The following TPRG1 variants were observed in gnomAD, a reference collection of about 807,000 sequenced individuals.
TPRG1 encodes tumor protein p63 regulated 1, also known as tumor protein p63-regulated gene 1 protein.
TPRG1 carries 29 observed loss-of-function variants against 29.3 expected under a neutral mutation model. That is an observed-to-expected ratio of 0.99 (90% CI 0.74 to 1.35). TPRG1 has a LOEUF of 1.35. Among genes scored for constraint, TPRG1 ranks in the 40% most tolerant of loss-of-function variants. TPRG1 has a pLI of 0.00. For synonymous variants in TPRG1, 130 were observed against 116.8 expected (o/e 1.11, Z -0.73); for missense variants, 327 against 335.0 (o/e 0.98, Z 0.19).
chr3:189,010,063 C>T (rs1306776985), intron 3 of TPRG1, among the ~76,000 whole-genome samples: 1 of 152,070 alleles, frequency 6.6e-6, no homozygotes, highest in Non-Finnish European at 1.5e-5. Flanking sequence ...TCTGTTCCTG[C>T]ATTAGTTTGC....
intron 4 of TPRG1, among the ~76,000 whole-genome samples, chr3:189,089,539 G>A (rs771245403): frequency 2.0e-5 from 3 of 152,130 alleles, no homozygotes; most frequent in Non-Finnish European, 2.9e-5. Flanking sequence ...CAGCTATGGA[G>A]GCTGAGAAGT....
intron 4 of TPRG1, among the ~76,000 whole-genome samples, chr3:189,262,317 G>A (rs1403015618): frequency 6.6e-6 from 1 of 151,962 alleles, no homozygotes; most frequent in African/African-American, 2.4e-5. Context: ...GTTTTTTCTG[G>A]TGTGGGAGAG....
In TPRG1 at chr3:189,063,946, G is replaced by A. The variant is rs142201836; in HGVS notation, c.-463+40000G>A. Among the ~76,000 whole-genome samples, 550 of 152,204 alleles carry A rather than the reference G, an allele frequency of 3.6e-3. 2 individuals are homozygous for A. The highest frequency in any genetic ancestry group is 0.012 in the African/African-American group (495 of 41,558). On this transcript the variant is annotated intron_variant, in intron 4 of 10. Transcript: ENST00000433971. ...CAAGAAAAATCAGTGAAGAGAAAAG[G>A]TGTATGGGTAACGTTTGGAGAAAAT... is the stretch of plus-strand genomic sequence containing the variant.
intron 5 of TPRG1, chr3:189,150,906 C>T (rs1725857768): frequency 6.6e-6 from 1 of 152,194 alleles, no homozygotes; most frequent in Non-Finnish European, 1.5e-5. Flanking sequence ...TCCTACAGCC[C>T]CAAATCTCCC....
chr3:189,296,699 T>G (rs1055058713), intron 4 of TPRG1, among the ~76,000 whole-genome samples: 7 of 152,194 alleles, frequency 4.6e-5, no homozygotes, highest in Non-Finnish European at 1.0e-4. Flanking sequence ...AACTTTGACC[T>G]TGTCAAAAGA....
At chr3:189,039,228 AC>A (rs1363691851) in intron 4 of TPRG1, among the ~76,000 whole-genome samples, 1 of 152,198 alleles carries the variant, frequency 6.6e-6, no homozygotes, top group Non-Finnish European at 1.5e-5. Context: ...AGCACAGTGA[AC>A]CCAGAGCTGG....
intron 4 of TPRG1, among the ~76,000 whole-genome samples, chr3:189,067,564 G>A (rs1030854168): frequency 2.0e-5 from 3 of 152,020 alleles, no homozygotes; most frequent in African/African-American, 4.8e-5. Context: ...GAAAATACAC[G>A]GGGGAAAAGA....
chr3:189,071,860 G>T (rs1364729466), intron 4 of TPRG1, among the ~76,000 whole-genome samples: 1 of 152,182 alleles, frequency 6.6e-6, no homozygotes, highest in Non-Finnish European at 1.5e-5. Context: ...TGGAGCTTTG[G>T]TTCCCACAAA....
At chr3:189,039,513 T>G (rs1193406434) in intron 4 of TPRG1, among the ~76,000 whole-genome samples, 1 of 152,226 alleles carries the variant, frequency 6.6e-6, no homozygotes. Context: ...TAGGTTTCAG[T>G]GATAGCTAAA....
At chr3:189,038,471 G>C (rs1269385195) in intron 4 of TPRG1, among the ~76,000 whole-genome samples, 3 of 151,954 alleles carry the variant, frequency 2.0e-5, no homozygotes, top group Non-Finnish European at 2.9e-5. Flanking sequence ...AGTAAAATTT[G>C]ATAAAATTTT....
intron 4 of TPRG1, among the ~76,000 whole-genome samples, chr3:189,041,671 C>T (rs575543629): frequency 2.6e-5 from 4 of 152,296 alleles, no homozygotes; most frequent in African/African-American, 9.6e-5. Flanking sequence ...TGCCATGTTA[C>T]CTGGTGATGG....
At chr3:189,188,305 A>G (rs1731221860) in intron 1 of TPRG1, among the ~76,000 whole-genome samples, 1 of 152,140 alleles carries the variant, frequency 6.6e-6, no homozygotes, top group Non-Finnish European at 1.5e-5. Flanking sequence ...CTTCTCAGAG[A>G]AAGGTGAGTT....
At chr3:189,092,714 C>T (rs73053424) in intron 4 of TPRG1, among the ~76,000 whole-genome samples, 7,070 of 152,132 alleles carry the variant, frequency 0.046, 538 homozygotes, top group African/African-American at 0.16. Flanking sequence ...CTTCTGTCTA[C>T]GGGCAATACC....
At chr3:189,147,478 C>T (rs187268660) in intron 3 of TPRG1, 7 of 152,304 alleles carry the variant, frequency 4.6e-5, no homozygotes, top group East Asian at 3.9e-4. Context: ...ATAGCCATGT[C>T]GGAGGCAGAA....
intron 1 of TPRG1, among the ~76,000 whole-genome samples, chr3:189,104,647 C>A (rs907563943): frequency 3.3e-5 from 5 of 151,584 alleles, no homozygotes; most frequent in Admixed American, 6.6e-5. Context: ...AGATTAAGAA[C>A]CCTCGGTCTA....
upstream of TPRG1, among the ~76,000 whole-genome samples, chr3:189,167,824 C>T (rs568264399): frequency 6.6e-6 from 1 of 152,202 alleles, no homozygotes; most frequent in Admixed American, 6.5e-5. Flanking sequence ...CAGAGAGTCT[C>T]GAAGTATTGC....
Position 189,212,477 on chromosome 3 carries a change from T to A in TPRG1, c.211-2815T>A, listed in dbSNP as rs139760237. On this transcript the variant is annotated intron_variant, in intron 2 of 5. Transcript: ENST00000345063. ...TATTGTTATTGCCTGTGTGGGCTTCTTTCGGGTGTAGAAAATAGTTATCTC... is the reference window on the plus strand; with the variant it reads ...TATTGTTATTGCCTGTGTGGGCTTCATTCGGGTGTAGAAAATAGTTATCTC... Among the ~76,000 whole-genome samples, 138 of 152,340 alleles carry A rather than the reference T, an allele frequency of 9.1e-4. 3 individuals are homozygous for A. The highest frequency in any genetic ancestry group is 3.0e-3 in the African/African-American group (125 of 41,594).
At chr3:189,138,644 C>T (rs1225208700) in intron 3 of TPRG1, among the ~76,000 whole-genome samples, 3 of 152,182 alleles carry the variant, frequency 2.0e-5, no homozygotes, top group African/African-American at 4.8e-5. Context: ...TACATCACTC[C>T]TGTCCATATG....
At chr3:189,125,883 T>C in intron 1 of TPRG1, among the ~76,000 whole-genome samples, 1 of 150,860 alleles carries the variant, frequency 6.6e-6, no homozygotes, top group Non-Finnish European at 1.5e-5. Context: ...TTGGTATATT[T>C]AGTTTTATTT....
Sources: allele counts gnomAD v4.1 joint callset (sites outside exome capture counted in the v4.1 genomes callset), GRCh38; gene constraint gnomAD v4.1.1; transcripts MANE v1.5; gene names NCBI Gene and HGNC (gene_info 2026-07-23, HGNC 2026-07-21).